Variants in PRKAR2B observed in about 807,000 individuals in gnomAD.
PRKAR2B encodes the protein protein kinase cAMP-dependent type II regulatory subunit beta.
In PRKAR2B, 14 loss-of-function variants were observed where a neutral mutation model predicts 49.9. The ratio of observed to expected loss-of-function variants is 0.28; its 90% CI spans 0.19 to 0.44. PRKAR2B has a LOEUF of 0.44. Ranked by LOEUF, PRKAR2B falls within the 20% of genes least tolerant of loss-of-function variation. The probability of loss-of-function intolerance (pLI) is 1.00; values close to 1 mark genes in which losing one functional copy is unlikely to be tolerated. For synonymous variants in PRKAR2B, 196 were observed against 197.7 expected, an observed-to-expected ratio of 0.99 and a Z score of 0.07; for missense variants, 393 against 537.9, an observed-to-expected ratio of 0.73 and a Z score of 2.67.
intron 2 of PRKAR2B, among the ~76,000 whole-genome samples, chr7:107,102,165 C>G (rs1016598905): frequency 1.3e-5 from 2 of 152,046 alleles, no homozygotes; most frequent in Non-Finnish European, 2.9e-5. Flanking sequence ...TGAGATTGCA[C>G]CACTGCACTC....
intron 2 of PRKAR2B, among the ~76,000 whole-genome samples, chr7:107,118,223 G>A (rs1795315510): frequency 6.6e-6 from 1 of 152,162 alleles, no homozygotes; most frequent in African/African-American, 2.4e-5. Context: ...ATTTTGGTGA[G>A]TAAGACAAAA....
rs1386852859 is a variant in PRKAR2B at position 107,045,353 on chromosome 7, C to T, written c.307+139C>T. Reference sequence around the variant, plus strand: ...CACCTTTCCCTACCTTCCCATCTCGCCCACCCCCTCAGCATCCATTTCTGT... The same window carrying T: ...CACCTTTCCCTACCTTCCCATCTCGTCCACCCCCTCAGCATCCATTTCTGT... On this transcript the variant is annotated intron_variant, in intron 1 of 10. Coordinates refer to ENST00000265717, the MANE Select transcript of PRKAR2B (RefSeq NM_002736.3). 5 of 714,506 alleles carry T rather than the reference C, an allele frequency of 7.0e-6. No individual in the cohort carries two copies. The Admixed American group carries it at 1.2e-4, about 18-fold the overall frequency. The allele number at this position is 714,506 out of a possible 1,614,324, so 44.3% of individuals were successfully genotyped here.
chr7:107,088,951 C>T (rs13239336), intron 2 of PRKAR2B, among the ~76,000 whole-genome samples: 1 of 151,902 alleles, frequency 6.6e-6, no homozygotes. Context: ...GGTGGATCAC[C>T]TAAGGTCAGG....
In PRKAR2B at chr7:107,085,899, A is replaced by AT. The variant is rs540758382; in HGVS notation, c.343+15589dup. On this transcript the variant is annotated intron_variant, in intron 2 of 10. Transcript: ENST00000265717. ...TTTTGCAAGTACATCTACAGGATATATTTTTTAGAAGTGGAATTGCTTAAT... is the reference window on the plus strand; with the variant it reads ...TTTTGCAAGTACATCTACAGGATATATTTTTTTAGAAGTGGAATTGCTTAAT... Among the ~76,000 whole-genome samples, 8 of 152,294 alleles carry AT rather than the reference A, an allele frequency of 5.3e-5. 1 individual carries two copies. The South Asian group carries it at 1.7e-3, about 32-fold the overall frequency.
intron 4 of PRKAR2B, among the ~76,000 whole-genome samples, chr7:107,134,727 C>A (rs1333007175): frequency 6.6e-6 from 1 of 152,094 alleles, no homozygotes; most frequent in Non-Finnish European, 1.5e-5. Context: ...AGTGTTAAGA[C>A]CATTCAATAG....
chr7:107,149,879 G>C lies in PRKAR2B; in HGVS notation c.742-1043G>C, dbSNP rs541912810. On this transcript the variant is annotated intron_variant, in intron 6 of 10. Transcript: ENST00000265717. The stretch of plus-strand genomic sequence containing the variant: ...TAATTGGATTTTTTGTAACTCAAAG[G>C]ATAGATGCTTGAGGGGGCAGATACC... 7.2e-5 allele frequency among the ~76,000 whole-genome samples: 11 copies of C among 152,146 alleles called. No individual in the cohort carries two copies. In the South Asian group the frequency reaches 2.3e-3, roughly 32 times the overall value.
At chr7:107,053,787 G>C (rs1049771996) in intron 1 of PRKAR2B, among the ~76,000 whole-genome samples, 1 of 152,156 alleles carries the variant, frequency 6.6e-6, no homozygotes, top group Admixed American at 6.5e-5. Context: ...GGGACAAAGA[G>C]AATCGTATTA....
chr7:107,125,848 G>A (rs546878533), intron 3 of PRKAR2B, among the ~76,000 whole-genome samples: 16 of 152,124 alleles, frequency 1.1e-4, no homozygotes, highest in Middle Eastern at 6.8e-3. Context: ...TAGCAGTTTG[G>A]GAGGCCAAGG....
At chr7:107,068,216 G>A (rs1373208632) in intron 1 of PRKAR2B, among the ~76,000 whole-genome samples, 2 of 152,120 alleles carry the variant, frequency 1.3e-5, no homozygotes, top group African/African-American at 2.4e-5. Flanking sequence ...AAGACTTCCC[G>A]ACCTTTTAAA....
At chr7:107,086,918 A>G (rs1794630899) in intron 2 of PRKAR2B, among the ~76,000 whole-genome samples, 1 of 152,214 alleles carries the variant, frequency 6.6e-6, no homozygotes, top group Non-Finnish European at 1.5e-5. Flanking sequence ...TATTCTTAAA[A>G]TATAACTAAC....
intron 2 of PRKAR2B, among the ~76,000 whole-genome samples, chr7:107,119,102 C>G (rs1286253045): frequency 2.6e-5 from 4 of 152,098 alleles, no homozygotes; most frequent in Admixed American, 2.6e-4. Flanking sequence ...GATTCTTACT[C>G]CAGATGATTT....
chr7:107,056,310 G>T (rs868824163), intron 1 of PRKAR2B, among the ~76,000 whole-genome samples: 16 of 152,132 alleles, frequency 1.1e-4, no homozygotes, highest in Admixed American at 3.9e-4. Context: ...CTCTTTTTTG[G>T]TTCCATATGA....
intron 2 of PRKAR2B, among the ~76,000 whole-genome samples, chr7:107,105,510 T>TGCTGAG (rs1252109042): frequency 6.6e-6 from 1 of 152,202 alleles, no homozygotes; most frequent in Non-Finnish European, 1.5e-5. Context: ...GTAAAGACAG[T>TGCTGAG]ATCCCTGAGA....
intron 2 of PRKAR2B, among the ~76,000 whole-genome samples, chr7:107,089,976 A>G (rs1794704356): frequency 6.6e-6 from 1 of 152,146 alleles, no homozygotes; most frequent in Non-Finnish European, 1.5e-5. Context: ...CTATGGTTTT[A>G]TTCTTAGTTA....
rs561928418 is a variant in PRKAR2B at position 107,132,525 on chromosome 7, G to T, written c.480+4230G>T. ...GTCATGATCTAGGGAAGAGAAATGGGCCTGAACTCCAGGGAAGGGGGAAAG... is the reference window on the plus strand; with the variant it reads ...GTCATGATCTAGGGAAGAGAAATGGTCCTGAACTCCAGGGAAGGGGGAAAG... On this transcript the variant is annotated intron_variant, in intron 4 of 10. Transcript: ENST00000265717. Among the ~76,000 whole-genome samples, 4 of 152,282 alleles carry T rather than the reference G, an allele frequency of 2.6e-5. No homozygotes were observed. The South Asian group carries it at 8.3e-4, about 32-fold the overall frequency.
In PRKAR2B at chr7:107,146,303, A is replaced by G; in HGVS notation, c.588-5A>G. On this transcript the variant is annotated splice_polypyrimidine_tract_variant and splice_region_variant and intron_variant, in intron 5 of 10. Transcript: ENST00000265717. ...ATTAACCTCCAATCTACATATGTCC[A>G]ACAGAGGCACATTTGATATTTATGT... 6.2e-7 allele frequency: 1 copy of G among 1,613,382 alleles called. No individual in the cohort carries two copies. The highest frequency in any genetic ancestry group is 1.3e-5 in the African/African-American group (1 of 75,036).
intron 5 of PRKAR2B, among the ~76,000 whole-genome samples, chr7:107,145,733 A>ATTTTT (rs916332834): frequency 3.9e-4 from 36 of 93,378 alleles, no homozygotes; most frequent in Non-Finnish European, 4.9e-4. Context: ...TCTTCAGATG[A>ATTTTT]TTTTTTTTTT....
intron 1 of PRKAR2B, among the ~76,000 whole-genome samples, chr7:107,060,238 A>G (rs1177697782): frequency 2.0e-5 from 3 of 152,194 alleles, no homozygotes; most frequent in Non-Finnish European, 4.4e-5. Flanking sequence ...CTGCTGCTAT[A>G]GGGTATGTAC....
intron 2 of PRKAR2B, among the ~76,000 whole-genome samples, chr7:107,075,945 A>T (rs1794387847): frequency 6.6e-6 from 1 of 152,066 alleles, no homozygotes; most frequent in Non-Finnish European, 1.5e-5. Flanking sequence ...TGAATTGGGG[A>T]GGGGCTAGAA....
Sources: allele counts gnomAD v4.1 joint callset (sites outside exome capture counted in the v4.1 genomes callset), GRCh38; gene constraint gnomAD v4.1.1; transcripts MANE v1.5; gene names NCBI Gene and HGNC (gene_info 2026-07-23, HGNC 2026-07-21).